The following NDST1 variants were observed in gnomAD, a reference collection of about 807,000 sequenced individuals.
NDST1 encodes the protein bifunctional heparan sulfate N-deacetylase/N-sulfotransferase 1.
NDST1 carries 35 observed loss-of-function variants against 92.8 expected under a neutral mutation model. The observed-to-expected ratio is 0.38, with a 90% CI of 0.29 to 0.50. NDST1 has a LOEUF of 0.50. NDST1 is among the 20% of genes least tolerant of loss of function. NDST1 has a pLI of 0.94. For missense variants in NDST1, 822 were observed against 1,182.7 expected (o/e 0.69, Z 4.47); for synonymous variants, 493 against 500.3 (o/e 0.99, Z 0.19).
intron 6 of NDST1, among the ~76,000 whole-genome samples, chr5:150,538,387 G>C (rs1755088278): frequency 1.3e-5 from 2 of 152,242 alleles, no homozygotes. Context: ...AGCAGAGACT[G>C]TAGGGGACAA....
In NDST1 at chr5:150,545,351, C is replaced by T. The variant is rs926603806; in HGVS notation, c.2010C>T (p.Ser670=). 8.1e-6 allele frequency: 13 copies of T among 1,614,146 alleles called. No individual in the cohort carries two copies. The highest frequency in any genetic ancestry group is 4.0e-5 in the African/African-American group (3 of 74,946). ...TCCCCATCCCTTCCAACACCACCTC[C>T]GACTTCTACTTTGAGAAAAGCGCCA... ...EFFPIPSNTT[S]DFYFEKSANY... is the part of the protein sequence containing the mutation. The change falls in exon 11 of 15, where the codon TCC becomes TCT. Residue 670 remains serine (S), a synonymous_variant. Coordinates refer to ENST00000261797, the MANE Select transcript of NDST1 (RefSeq NM_001543.5).
intron 9 of NDST1, among the ~76,000 whole-genome samples, chr5:150,542,278 A>G (rs761080295): frequency 6.6e-6 from 1 of 152,200 alleles, no homozygotes; most frequent in African/African-American, 2.4e-5. Flanking sequence ...TCATTATAGC[A>G]TGTAAACCAT....
intron 1 of NDST1, among the ~76,000 whole-genome samples, chr5:150,501,814 A>G (rs1248299747): frequency 6.6e-6 from 1 of 152,216 alleles, no homozygotes; most frequent in African/African-American, 2.4e-5. Flanking sequence ...TGGAAGAAAA[A>G]TAAAACTGGC....
At chr5:150,525,342 G>T (rs1754423346) in intron 2 of NDST1, among the ~76,000 whole-genome samples, 1 of 152,214 alleles carries the variant, frequency 6.6e-6, no homozygotes, top group African/African-American at 2.4e-5. Context: ...GTCAGCTCAG[G>T]GTCGGGACTT....
At chr5:150,541,802 G>C in intron 9 of NDST1, 136 bp downstream of exon 9, 1 of 816,512 alleles carries the variant, frequency 1.2e-6, no homozygotes. Context: ...ATGAAGTTGG[G>C]GTGAACACAA....
intron 1 of NDST1, among the ~76,000 whole-genome samples, chr5:150,517,628 C>T (rs943200021): frequency 1.3e-5 from 2 of 152,182 alleles, no homozygotes; most frequent in African/African-American, 4.8e-5. Flanking sequence ...ATTTTCTTTG[C>T]TCCGCTGATT....
intron 1 of NDST1, among the ~76,000 whole-genome samples, chr5:150,515,438 G>A (rs554681777): frequency 6.6e-6 from 1 of 152,256 alleles, no homozygotes; most frequent in Non-Finnish European, 1.5e-5. Context: ...CTGGTTTTCA[G>A]CCTCTGCACC....
At chr5:150,540,632 A>G (rs1286922676) in intron 8 of NDST1, among the ~76,000 whole-genome samples, 2 of 152,144 alleles carry the variant, frequency 1.3e-5, no homozygotes, top group Admixed American at 6.5e-5. Context: ...CCTGGGCAAT[A>G]TGGCGAAACC....
At chr5:150,522,059 C>T (rs1416645657) in intron 2 of NDST1, among the ~76,000 whole-genome samples, 1 of 152,194 alleles carries the variant, frequency 6.6e-6, no homozygotes, top group African/African-American at 2.4e-5. Context: ...GTCAGAGGAG[C>T]ATGCTCTGCT....
intron 12 of NDST1, among the ~76,000 whole-genome samples, chr5:150,549,216 T>G (rs1411900861): frequency 1.3e-5 from 2 of 152,190 alleles, no homozygotes; most frequent in Admixed American, 1.3e-4. Flanking sequence ...TTCACCATGT[T>G]GGCCAGGCTG....
chr5:150,501,139 C>T (rs953169562), intron 1 of NDST1, among the ~76,000 whole-genome samples: 2 of 152,226 alleles, frequency 1.3e-5, no homozygotes, highest in African/African-American at 4.8e-5. Context: ...ACAGCTGCCT[C>T]TGTGCCCGCT....
rs918090812 is a variant in NDST1 at position 150,552,369 on chromosome 5, C to T, written c.2529+514C>T. 3.9e-5 allele frequency among the ~76,000 whole-genome samples: 6 copies of T among 152,100 alleles called. No individual in the cohort carries two copies. The East Asian group carries it at 9.7e-4, about 24-fold the overall frequency. On this transcript the variant is annotated intron_variant, in intron 14 of 14. Coordinates refer to ENST00000261797, the MANE Select transcript of NDST1 (RefSeq NM_001543.5). ...TATGGAATGGGAGGGTAGGTAAGAA[C>T]AGCATGTGTAAAACCATAGGGGGAA...
upstream of NDST1, among the ~76,000 whole-genome samples, chr5:150,504,620 C>T (rs769014962): frequency 2.6e-5 from 4 of 152,216 alleles, no homozygotes; most frequent in Non-Finnish European, 4.4e-5. Context: ...GTTTAGGCCC[C>T]AGGCTCTGGA....
chr5:150,503,885 G>A (rs1010461640), upstream of NDST1, among the ~76,000 whole-genome samples: 2 of 152,128 alleles, frequency 1.3e-5, no homozygotes, highest in African/African-American at 2.4e-5. Context: ...GAAATGTGAG[G>A]GAAGGGCTTT....
rs1755807618 is a variant in NDST1 at position 150,553,558 on chromosome 5, GTCCATTCCGT to G, written c.*230_*239del. The G allele has an allele frequency of 1.8e-6, 1 of 558,152 alleles. No homozygotes were observed. Among genetic ancestry groups the G allele is most frequent in the South Asian group, 1.7e-5 (1 of 57,538 alleles). 34.6% of individuals were successfully genotyped at this position (558,152 alleles called of 1,614,324 possible). A position where few individuals can be genotyped will look rare whatever the true frequency, so the allele number is the denominator to read the frequency against. ...TAAGGGACCTCCCTCGCCAGCAGAG[GTCCATTCCGT>G]TCCCAGCTGCTCCTGGGGAGGCCGC... On this transcript the variant is annotated 3_prime_UTR_variant, in exon 15 of 15. Transcript: ENST00000261797. This position sits in a 1 kb window ranked among gnomAD's most constrained non-coding sequence, Gnocchi z 4.2.
chr5:150,543,157 G>A (rs986028819), intron 10 of NDST1, among the ~76,000 whole-genome samples, 186 bp downstream of exon 10: 1 of 152,216 alleles, frequency 6.6e-6, no homozygotes, highest in Non-Finnish European at 1.5e-5. Flanking sequence ...CAGGACACTC[G>A]ATGAGGAGGC....
At chr5:150,528,923 T>C in intron 3 of NDST1, among the ~76,000 whole-genome samples, 1 of 152,242 alleles carries the variant, frequency 6.6e-6, no homozygotes, top group East Asian at 1.9e-4. Flanking sequence ...ATGGGAGCTG[T>C]ACAATGCTGT....
At chr5:150,528,822 T>TAAA (rs1754589476) in intron 3 of NDST1, among the ~76,000 whole-genome samples, 1 of 152,012 alleles carries the variant, frequency 6.6e-6, no homozygotes, top group Admixed American at 6.5e-5. Context: ...AAAACTTTAT[T>TAAA]GTATTGAAGT....
Position 150,556,785 on chromosome 5 carries a change from A to T in NDST1, c.*3453A>T, listed in dbSNP as rs953680301. ...TGTCTGCTATCTAATCTGTATTCAA[A>T]TCCCCCCAATTGTCTCCCAGGTAAC... On this transcript the variant is annotated 3_prime_UTR_variant, in exon 15 of 15. Coordinates refer to ENST00000261797, the MANE Select transcript of NDST1 (RefSeq NM_001543.5). 2.0e-5 allele frequency: 3 copies of T among 152,542 alleles called. No homozygotes were observed. The highest frequency in any genetic ancestry group is 7.2e-5 in the African/African-American group (3 of 41,438). 9.4% of individuals were successfully genotyped at this position (152,542 alleles called of 1,614,324 possible).
Sources: allele counts gnomAD v4.1 joint callset (sites outside exome capture counted in the v4.1 genomes callset), GRCh38; gene constraint gnomAD v4.1.1; non-coding constraint Gnocchi (gnomAD v3.1); transcripts MANE v1.5; gene names NCBI Gene and HGNC (gene_info 2026-07-23, HGNC 2026-07-21).